JAKMIP2: variants seen among roughly 807,000 people sequenced by gnomAD.
JAKMIP2 encodes the protein janus kinase and microtubule-interacting protein 2.
A neutral mutation model predicts 115.0 loss-of-function variants in JAKMIP2; 25 were observed. That is an observed-to-expected ratio of 0.22 (90% CI 0.16 to 0.30). JAKMIP2 has a LOEUF of 0.30. Ranked by LOEUF, JAKMIP2 falls within the 10% of genes least tolerant of loss-of-function variation. The probability of loss-of-function intolerance (pLI) is 1.00; values close to 1 mark genes in which losing one functional copy is unlikely to be tolerated. For missense variants in JAKMIP2, 642 were observed against 957.6 expected, an observed-to-expected ratio of 0.67 and a Z score of 4.35; for synonymous variants, 334 against 343.6, an observed-to-expected ratio of 0.97 and a Z score of 0.31.
At chr5:147,763,197 G>A (rs926572623) in intron 1 of JAKMIP2, among the ~76,000 whole-genome samples, 4 of 152,100 alleles carry the variant, frequency 2.6e-5, no homozygotes, top group African/African-American at 4.8e-5. Context: ...GGTAAGGGGT[G>A]AAGAGTTAGA....
At chr5:147,642,502 A>C (rs751855386) in intron 7 of JAKMIP2, among the ~76,000 whole-genome samples, 9 of 152,160 alleles carry the variant, frequency 5.9e-5, no homozygotes, top group Non-Finnish European at 1.2e-4. Context: ...AAATAGCCCA[A>C]AATTCTATAA....
intron 12 of JAKMIP2, 144 bp from the exon 13 acceptor site, chr5:147,632,922 T>TATTTGG: frequency 5.4e-6 from 3 of 560,218 alleles, no homozygotes; most frequent in Non-Finnish European, 6.3e-6. Flanking sequence ...ATAAAATAAG[T>TATTTGG]ATTTGGCTTT....
chr5:147,774,810 C>T (rs778838942), intron 1 of JAKMIP2, among the ~76,000 whole-genome samples: 80 of 152,060 alleles, frequency 5.3e-4, no homozygotes, highest in Non-Finnish European at 8.5e-4. Context: ...AAGCATTTTT[C>T]AGGGGAACAT....
intron 16 of JAKMIP2, 81 bp from the exon 17 acceptor site, chr5:147,623,770 T>C (rs1248743947): frequency 1.3e-6 from 1 of 794,910 alleles, no homozygotes; most frequent in East Asian, 2.6e-5. Flanking sequence ...AGGTGCTCCG[T>C]CTCCTCCCCT....
At chr5:147,600,121 A>T (rs10875623) in intron 21 of JAKMIP2, among the ~76,000 whole-genome samples, 14,533 of 116,398 alleles carry the variant, frequency 0.12, 1,239 homozygotes, top group South Asian at 0.29. Flanking sequence ...TGGTGGGGGG[A>T]GGCTGTTTGT....
intron 9 of JAKMIP2, among the ~76,000 whole-genome samples, 161 bp downstream of exon 9, chr5:147,640,543 T>G (rs1226748588): frequency 6.6e-6 from 1 of 152,228 alleles, no homozygotes; most frequent in East Asian, 1.9e-4. Flanking sequence ...GAAGCTATTT[T>G]TCAAGAGATA....
intron 1 of JAKMIP2, among the ~76,000 whole-genome samples, chr5:147,672,666 TA>T (rs1057106008): frequency 7.9e-5 from 12 of 152,324 alleles, no homozygotes; most frequent in Admixed American, 3.3e-4. Flanking sequence ...TTCAGAAGTA[TA>T]AACAGTAAAC....
At chr5:147,702,112 A>T (rs1056380411) in intron 1 of JAKMIP2, among the ~76,000 whole-genome samples, 1 of 152,148 alleles carries the variant, frequency 6.6e-6, no homozygotes, top group Non-Finnish European at 1.5e-5. Context: ...TACAGCAAAC[A>T]CACTTTTGTC....
chr5:147,603,636 G>T (rs1755832753), intron 20 of JAKMIP2, among the ~76,000 whole-genome samples: 2 of 152,172 alleles, frequency 1.3e-5, no homozygotes, highest in African/African-American at 4.8e-5. Context: ...CTAATCAGAA[G>T]TCAACTGGAT....
intron 1 of JAKMIP2, among the ~76,000 whole-genome samples, chr5:147,697,248 G>A (rs777504807): frequency 4.6e-5 from 7 of 152,108 alleles, no homozygotes; most frequent in Non-Finnish European, 1.0e-4. Flanking sequence ...AGAGAAAAAT[G>A]AGGAAGAAGC....
intron 19 of JAKMIP2, among the ~76,000 whole-genome samples, chr5:147,614,196 C>T (rs1756465096): frequency 1.3e-5 from 2 of 152,132 alleles, no homozygotes; most frequent in African/African-American, 2.4e-5. Context: ...ATGGACAATA[C>T]AGATAAGGCA....
In JAKMIP2 at chr5:147,686,359, A is replaced by T. The variant is rs370089036; in HGVS notation, c.-148-14405T>A. ...GTGGGGGGGCACTGTTTTCCATCAA[A>T]TCTACCTTTCTTGGGGAAGCCAGCC... On this transcript the variant is annotated intron_variant, in intron 1 of 21. Transcript: ENST00000616793. Among the ~76,000 whole-genome samples the T allele has an allele frequency of 4.6e-5, 7 of 152,226 alleles. No individual in the cohort carries two copies. In the South Asian group the frequency reaches 6.2e-4, roughly 14 times the overall value.
chr5:147,643,248 A>G (rs1757966169), intron 7 of JAKMIP2, among the ~76,000 whole-genome samples: 1 of 152,206 alleles, frequency 6.6e-6, no homozygotes, highest in Non-Finnish European at 1.5e-5. Context: ...AATTTTAAAA[A>G]GGATGAATCA....
chr5:147,646,609 T>C (rs1758141215), intron 5 of JAKMIP2, among the ~76,000 whole-genome samples: 1 of 152,002 alleles, frequency 6.6e-6, no homozygotes, highest in East Asian at 1.9e-4. Context: ...AAAAGTGTGT[T>C]TGTGTGTGTA....
At chr5:147,634,726 A>C (rs1757528696) in intron 12 of JAKMIP2, among the ~76,000 whole-genome samples, 1 of 152,156 alleles carries the variant, frequency 6.6e-6, no homozygotes, top group African/African-American at 2.4e-5. Context: ...TCATCTATAC[A>C]TCTATGTGAT....
intron 16 of JAKMIP2, among the ~76,000 whole-genome samples, chr5:147,626,587 C>A (rs73268122): frequency 0.062 from 9,363 of 152,212 alleles, 811 homozygotes; most frequent in African/African-American, 0.19. Flanking sequence ...AAAGGTCACA[C>A]TAGTACCTAG....
chr5:147,660,848 A>G, intron 3 of JAKMIP2, 100 bp downstream of exon 3: 2 of 1,344,192 alleles, frequency 1.5e-6, no homozygotes, highest in Non-Finnish European at 1.0e-6. Context: ...ACTGTTTACA[A>G]TCCACTGACA....
intron 1 of JAKMIP2, among the ~76,000 whole-genome samples, chr5:147,709,660 CCAAGA>C (rs1159501853): frequency 2.0e-5 from 3 of 152,022 alleles, no homozygotes; most frequent in African/African-American, 7.2e-5. Context: ...ACCAGCTTGG[CCAAGA>C]TGGTGAAACC....
At chr5:147,713,989 T>G (rs1662063007) in intron 1 of JAKMIP2, among the ~76,000 whole-genome samples, 1 of 152,194 alleles carries the variant, frequency 6.6e-6, no homozygotes, top group Non-Finnish European at 1.5e-5. Flanking sequence ...GATTGCTATT[T>G]TGCCTACAAG....
Sources: gnomAD v4.1 joint callset for allele counts (sites outside exome capture counted in the v4.1 genomes callset) on GRCh38, gnomAD v4.1.1 for gene constraint, MANE v1.5 for transcripts, NCBI Gene and HGNC (gene_info 2026-07-23, HGNC 2026-07-21) for gene names.